FHIT: variants seen among roughly 807,000 people sequenced by gnomAD.
The protein encoded by FHIT is bis(5'-adenosyl)-triphosphatase.
A neutral mutation model predicts 17.9 loss-of-function variants in FHIT; 19 were observed. The observed-to-expected ratio is 1.06, with a 90% CI of 0.74 to 1.56. FHIT has a LOEUF of 1.56. Ranked by LOEUF, FHIT falls within the 40% of genes most tolerant of loss-of-function variation. The pLI, the probability that FHIT is intolerant of heterozygous loss-of-function variation, is 0.00. For missense variants in FHIT, 248 were observed against 189.2 expected (o/e 1.31, Z -1.82); for synonymous variants, 81 against 69.7 (o/e 1.16, Z -0.81).
At chr3:61,168,608 G>A (rs1018835221) in intron 2 of FHIT, among the ~76,000 whole-genome samples, 3 of 152,150 alleles carry the variant, frequency 2.0e-5, no homozygotes, top group Non-Finnish European at 2.9e-5. Context: ...CAGAATGGAG[G>A]CCACACAATG....
intron 8 of FHIT, among the ~76,000 whole-genome samples, chr3:59,886,999 G>A (rs559358914): frequency 2.2e-4 from 34 of 152,320 alleles, no homozygotes; most frequent in African/African-American, 6.7e-4. Context: ...GGCACTCAAA[G>A]AAGTGAGTAC....
At chr3:59,807,261 T>C (rs1170863268) in intron 8 of FHIT, among the ~76,000 whole-genome samples, 1 of 152,176 alleles carries the variant, frequency 6.6e-6, no homozygotes, top group Non-Finnish European at 1.5e-5. Flanking sequence ...CCAAATCCAA[T>C]GTCACACATT....
At chr3:60,412,487 C>G (rs1273642345) in intron 5 of FHIT, among the ~76,000 whole-genome samples, 3 of 152,112 alleles carry the variant, frequency 2.0e-5, no homozygotes, top group Admixed American at 6.5e-5. Flanking sequence ...ATTTCCCTCT[C>G]TCTGCAGATT....
intron 2 of FHIT, among the ~76,000 whole-genome samples, chr3:61,195,314 G>A (rs2038825137): frequency 6.6e-6 from 1 of 151,926 alleles, no homozygotes; most frequent in African/African-American, 2.4e-5. Flanking sequence ...AATTATTACT[G>A]AATCACCCAC....
chr3:59,762,757 G>T (rs1405826545), intron 8 of FHIT, among the ~76,000 whole-genome samples: 1 of 152,194 alleles, frequency 6.6e-6, no homozygotes, highest in Admixed American at 6.5e-5. Flanking sequence ...TGCATCTCAG[G>T]GCAGTTTTCA....
intron 4 of FHIT, among the ~76,000 whole-genome samples, chr3:60,745,964 G>T (rs2042347814): frequency 1.3e-5 from 2 of 152,152 alleles, no homozygotes; most frequent in African/African-American, 4.8e-5. Context: ...CATTAAATAG[G>T]CAGGGAAGAA....
chr3:59,883,695 C>A (rs1370422934), intron 8 of FHIT, among the ~76,000 whole-genome samples: 1 of 152,238 alleles, frequency 6.6e-6, no homozygotes, highest in African/African-American at 2.4e-5. Flanking sequence ...TACCGCACGT[C>A]TCTTTCCAAG....
intron 5 of FHIT, among the ~76,000 whole-genome samples, chr3:60,459,190 A>G (rs1449682241): frequency 2.0e-5 from 3 of 152,174 alleles, no homozygotes; most frequent in African/African-American, 7.2e-5. Context: ...AATGTTTAAA[A>G]TACAAGCTAC....
intron 5 of FHIT, among the ~76,000 whole-genome samples, chr3:60,474,224 C>G (rs1422351392): frequency 6.6e-6 from 1 of 152,168 alleles, no homozygotes; most frequent in East Asian, 1.9e-4. Context: ...TCTGGTATAG[C>G]AAAGCCTAAA....
At chr3:60,566,549 A>G (rs1173808990) in intron 4 of FHIT, among the ~76,000 whole-genome samples, 2 of 152,150 alleles carry the variant, frequency 1.3e-5, no homozygotes, top group Admixed American at 6.5e-5. Context: ...AAACTGGCAC[A>G]AGACAGGGAT....
At position 60,456,265 on chromosome 3, in the gene FHIT, A is replaced by G. The variant is rs151247650; in HGVS notation, c.103+80595T>C. 4.4e-4 allele frequency among the ~76,000 whole-genome samples: 67 copies of G among 152,274 alleles called. No individual in the cohort carries two copies. The Middle Eastern group carries it at 0.01, about 23-fold the overall frequency. Reference sequence around the variant, plus strand: ...TCAGAAAGAACAGAAGGGTTGCACAACTCCCAGATATCTGAAATGATGGTT... The same window carrying G: ...TCAGAAAGAACAGAAGGGTTGCACAGCTCCCAGATATCTGAAATGATGGTT... On this transcript the variant is annotated intron_variant, in intron 5 of 9. Coordinates refer to ENST00000492590, the MANE Select transcript of FHIT (RefSeq NM_002012.4).
chr3:60,732,364 G>A, intron 4 of FHIT: 4 of 833,984 alleles, frequency 4.8e-6, no homozygotes, highest in South Asian at 1.3e-5. Flanking sequence ...GTACCTCTAT[G>A]CTTCAGGATG....
Position 60,326,759 on chromosome 3 carries a change from C to CT in FHIT, c.103+210100dup, listed in dbSNP as rs1709714740. Among the ~76,000 whole-genome samples, 11 of 152,322 alleles carry CT rather than the reference C, an allele frequency of 7.2e-5. No homozygotes were observed. The South Asian group carries it at 2.3e-3, about 32-fold the overall frequency. On this transcript the variant is annotated intron_variant, in intron 5 of 9. Coordinates refer to ENST00000492590, the MANE Select transcript of FHIT (RefSeq NM_002012.4). ...AGCTACTAGTAGTAGTGACTGCTGA[C>CT]TAAAGGATGAAGCTGGAGTAAAACC...
intron 4 of FHIT, among the ~76,000 whole-genome samples, chr3:60,632,298 A>T (rs2039466505): frequency 6.6e-6 from 1 of 152,116 alleles, no homozygotes. Context: ...AACCACAGGG[A>T]ATAGAAGGAT....
chr3:60,004,115 G>A (rs183370945), intron 7 of FHIT, among the ~76,000 whole-genome samples: 2 of 152,062 alleles, frequency 1.3e-5, no homozygotes, highest in Non-Finnish European at 2.9e-5. Flanking sequence ...ACAAAGGTAA[G>A]ACTCTGACTG....
intron 8 of FHIT, among the ~76,000 whole-genome samples, chr3:59,911,926 C>T (rs1383917016): frequency 5.3e-5 from 8 of 152,082 alleles, no homozygotes; most frequent in Middle Eastern, 3.2e-3. Context: ...GAGGCAGAGA[C>T]GATGAAGATG....
intron 3 of FHIT, among the ~76,000 whole-genome samples, chr3:60,955,633 T>TATATATATATATATATATATATATATAC (rs1272864632): frequency 2.5e-5 from 1 of 39,520 alleles, no homozygotes; most frequent in African/African-American, 8.0e-5. Context: ...TATATATATA[T>TATATATATATATATATATATATATATAC]ACACACACAC....
In FHIT at chr3:60,547,835, G is replaced by C. The variant is rs187658533; in HGVS notation, c.-17-10856C>G. Among the ~76,000 whole-genome samples the C allele has an allele frequency of 2.0e-4, 31 of 152,284 alleles. No individual in the cohort carries two copies. The East Asian group carries it at 4.8e-3, about 24-fold the overall frequency. The stretch of plus-strand genomic sequence containing the variant: ...CAGGGCTAGATAGGCAACCTAACTT[G>C]TAGTAGAGTAAGGTTCAGTGACACA... On this transcript the variant is annotated intron_variant, in intron 4 of 9. Coordinates refer to ENST00000492590, the MANE Select transcript of FHIT (RefSeq NM_002012.4).
chr3:59,829,806 A>G (rs751506853), intron 8 of FHIT, among the ~76,000 whole-genome samples: 8 of 152,184 alleles, frequency 5.3e-5, no homozygotes, highest in Non-Finnish European at 1.2e-4. Context: ...GAATTATACA[A>G]TACAGAAAAT....
Sources: allele counts gnomAD v4.1 joint callset (sites outside exome capture counted in the v4.1 genomes callset), GRCh38; gene constraint gnomAD v4.1.1; transcripts MANE v1.5; gene names NCBI Gene and HGNC (gene_info 2026-07-23, HGNC 2026-07-21).